SULT6B1: variants seen among roughly 807,000 people sequenced by gnomAD.
The protein encoded by SULT6B1 is sulfotransferase 6B1.
Under a neutral mutation model 37.2 loss-of-function variants are expected in SULT6B1, and 44 were observed. The ratio of observed to expected loss-of-function variants is 1.18; its 90% CI spans 0.93 to 1.52. The LOEUF (loss-of-function observed/expected upper bound fraction) is 1.52, where lower values mean the gene tolerates loss of function less well. SULT6B1 is among the 40% of genes most tolerant of loss of function. The pLI is 0.00. For missense variants in SULT6B1, 450 were observed against 361.0 expected, an observed-to-expected ratio of 1.25 and a Z score of -2.00; for synonymous variants, 140 against 126.0, an observed-to-expected ratio of 1.11 and a Z score of -0.74.
rs541865681 is a variant in SULT6B1 at position 37,177,704 on chromosome 2, G to A, written c.529+1754C>T. Among the ~76,000 whole-genome samples, 3 of 152,290 alleles carry A rather than the reference G, an allele frequency of 2.0e-5. No homozygotes were observed. In the South Asian group the frequency reaches 6.2e-4, roughly 32 times the overall value. On this transcript the variant is annotated intron_variant, in intron 4 of 6. Coordinates refer to ENST00000535679, the MANE Select transcript of SULT6B1 (RefSeq NM_001367551.1). The stretch of plus-strand genomic sequence containing the variant: ...CCATATAATATTCGTTAAAAGAATA[G>A]ATTTTAGGTGCTCTTACTAAACACA...
At position 37,175,036 on chromosome 2, in the gene SULT6B1, A is replaced by C. The variant is rs184832043; in HGVS notation, c.624+96T>G. On this transcript the variant is annotated intron_variant, in intron 5 of 6. Transcript: ENST00000535679. Reference sequence around the variant, plus strand: ...TATCTGGAATATTTTTAAAAATTGAACACCATATTTGTTTATACAAACAGA... The same window carrying C: ...TATCTGGAATATTTTTAAAAATTGACCACCATATTTGTTTATACAAACAGA... 24 of 639,392 alleles carry C rather than the reference A, an allele frequency of 3.8e-5. No individual in the cohort carries two copies. The African/African-American group carries it at 4.5e-4, about 12-fold the overall frequency. 39.6% of individuals were successfully genotyped at this position (639,392 alleles called of 1,614,324 possible).
chr2:37,179,067 T>C (rs950195146), intron 4 of SULT6B1, among the ~76,000 whole-genome samples: 1 of 152,216 alleles, frequency 6.6e-6, no homozygotes, highest in Admixed American at 6.5e-5. Context: ...TAAGCAATTT[T>C]CCTGCTTCAG....
At chr2:37,191,462 G>A (rs895013967), upstream of SULT6B1, among the ~76,000 whole-genome samples, 2 of 152,156 alleles carry the variant, frequency 1.3e-5, no homozygotes, top group Non-Finnish European at 2.9e-5. Context: ...GGCTGGCCCA[G>A]CCTGGCTGCT....
intron 3 of SULT6B1, among the ~76,000 whole-genome samples, chr2:37,182,280 G>C (rs1357988439): frequency 6.9e-6 from 1 of 144,646 alleles, no homozygotes; most frequent in Non-Finnish European, 1.5e-5. Flanking sequence ...TTGAGACAAG[G>C]TCTCGCTCTG....
intron 2 of SULT6B1, among the ~76,000 whole-genome samples, chr2:37,185,730 A>AAAAAAAAAC (rs1676659493): frequency 6.8e-6 from 1 of 146,304 alleles, no homozygotes; most frequent in South Asian, 2.2e-4. Flanking sequence ...AAAAAAAAAA[A>AAAAAAAAAC]AAAAAAACAG....
At chr2:37,185,517 G>A (rs866848594) in intron 2 of SULT6B1, among the ~76,000 whole-genome samples, 36 of 152,178 alleles carry the variant, frequency 2.4e-4, no homozygotes, top group Middle Eastern at 6.8e-3. Context: ...AGGAGTTTGA[G>A]AGTAGCCTGT....
chr2:37,181,827 T>G (rs1319014094), intron 3 of SULT6B1, among the ~76,000 whole-genome samples: 1 of 152,192 alleles, frequency 6.6e-6, no homozygotes, highest in African/African-American at 2.4e-5. Context: ...CTGCATTCAA[T>G]GGGGGAAATT....
chr2:37,169,655 G>T (rs565812458), intron 6 of SULT6B1, among the ~76,000 whole-genome samples: 1 of 151,892 alleles, frequency 6.6e-6, no homozygotes, highest in African/African-American at 2.4e-5. Context: ...CGTCCAGCCC[G>T]AGCTAATTTT....
At position 37,172,185 on chromosome 2, in the gene SULT6B1, G is replaced by A. The variant is rs540442289; in HGVS notation, c.625-595C>T. On this transcript the variant is annotated intron_variant, in intron 5 of 6. Coordinates refer to ENST00000535679, the MANE Select transcript of SULT6B1 (RefSeq NM_001367551.1). ...CACACCTCAGCCTTCTGAATAGCTG[G>A]GACAACAGGTGTGTGCCACCACATC... Among the ~76,000 whole-genome samples the A allele has an allele frequency of 2.6e-5, 4 of 152,120 alleles. No homozygotes were observed. The South Asian group carries it at 8.3e-4, about 32-fold the overall frequency.
At chr2:37,191,889 C>G (rs1315962754), upstream of SULT6B1, among the ~76,000 whole-genome samples, 1 of 152,204 alleles carries the variant, frequency 6.6e-6, no homozygotes, top group African/African-American at 2.4e-5. Context: ...ATAACACCCG[C>G]TCTGGGGATT....
chr2:37,171,098 G>T (rs904271697), intron 6 of SULT6B1, among the ~76,000 whole-genome samples: 1 of 152,150 alleles, frequency 6.6e-6, no homozygotes. Flanking sequence ...AATTAACTGG[G>T]TGTGGTGGCA....
chr2:37,182,748 G>T (rs1014137121), intron 3 of SULT6B1, among the ~76,000 whole-genome samples: 1 of 151,846 alleles, frequency 6.6e-6, no homozygotes, highest in African/African-American at 2.4e-5. Context: ...GAAAGGGTTG[G>T]GTAAAAACTA....
chr2:37,187,490 A>G, intron 1 of SULT6B1, 23 bp from the exon 2 acceptor site: 1 of 1,456,452 alleles, frequency 6.9e-7, no homozygotes, highest in Non-Finnish European at 9.5e-7. Context: ...TCAGAGAATA[A>G]AAACTCATTA....
intron 5 of SULT6B1, 66 bp from the exon 6 acceptor site, chr2:37,171,656 C>G (rs1401514044): frequency 6.6e-7 from 1 of 1,508,022 alleles, no homozygotes; most frequent in Non-Finnish European, 9.0e-7. Context: ...CTGAGACAGA[C>G]TTTTTAGTCA....
intron 6 of SULT6B1, 122 bp downstream of exon 6, chr2:37,171,312 C>T (rs1284055457): frequency 8.2e-7 from 1 of 1,222,668 alleles, no homozygotes; most frequent in Non-Finnish European, 1.1e-6. Flanking sequence ...GTGTCCAGAC[C>T]TCTTACTGAG....
At chr2:37,179,327 T>C (rs189156275) in intron 4 of SULT6B1, 131 bp downstream of exon 4, 64 of 1,139,222 alleles carry the variant, frequency 5.6e-5, no homozygotes, top group Admixed American at 2.5e-4. Context: ...CTATGACCGT[T>C]CATTTAAATG....
At chr2:37,177,371 C>T (rs80147678) in intron 4 of SULT6B1, among the ~76,000 whole-genome samples, 3,507 of 145,868 alleles carry the variant, frequency 0.024, 65 homozygotes, top group Middle Eastern at 0.061. Flanking sequence ...TGAGCCTTGC[C>T]GCTACACTCC....
intron 6 of SULT6B1, among the ~76,000 whole-genome samples, chr2:37,170,475 T>A (rs1010298307): frequency 5.0e-5 from 7 of 139,570 alleles, no homozygotes; most frequent in African/African-American, 1.9e-4. Flanking sequence ...TCAAAAAAAA[T>A]ATATAAAATA....
chr2:37,183,676 C>T (rs972780671), intron 2 of SULT6B1, among the ~76,000 whole-genome samples, 162 bp from the exon 3 acceptor site: 2 of 152,172 alleles, frequency 1.3e-5, no homozygotes, highest in Non-Finnish European at 2.9e-5. Flanking sequence ...CAGAGTCTCA[C>T]TCTGTCGCCC....
Sources: gnomAD v4.1 joint callset for allele counts (sites outside exome capture counted in the v4.1 genomes callset) on GRCh38, gnomAD v4.1.1 for gene constraint, MANE v1.5 for transcripts, NCBI Gene and HGNC (gene_info 2026-07-23, HGNC 2026-07-21) for gene names.